RPH3AL: variants seen among roughly 807,000 people sequenced by gnomAD.
The protein encoded by RPH3AL is rabphilin 3A like (without C2 domains).
RPH3AL carries 38 observed loss-of-function variants against 43.1 expected under a neutral mutation model. The ratio of observed to expected loss-of-function variants is 0.88; its 90% CI spans 0.68 to 1.15. RPH3AL has a LOEUF of 1.15. Ranked by LOEUF, RPH3AL falls within the 50% of genes most tolerant of loss-of-function variation. The pLI is 0.00. For missense variants in RPH3AL, 462 were observed against 423.2 expected, an observed-to-expected ratio of 1.09 and a Z score of -0.81; for synonymous variants, 189 against 176.3, an observed-to-expected ratio of 1.07 and a Z score of -0.57.
chr17:280,521 C>T (rs919417308), intron 6 of RPH3AL, among the ~76,000 whole-genome samples: 4 of 152,076 alleles, frequency 2.6e-5, no homozygotes, highest in Non-Finnish European at 4.4e-5. Context: ...CCAGACCCAG[C>T]GGGAGGCAGC....
intron 8 of RPH3AL, among the ~76,000 whole-genome samples, chr17:218,509 C>T (rs920258679): frequency 1.3e-5 from 2 of 152,274 alleles, no homozygotes; most frequent in African/African-American, 2.4e-5. Flanking sequence ...CTGTTTGGGG[C>T]AGTTATTATG....
At chr17:338,899 G>A (rs900858968) in intron 1 of RPH3AL, 3 of 152,448 alleles carry the variant, frequency 2.0e-5, no homozygotes, top group Non-Finnish European at 2.9e-5. Flanking sequence ...CAGGTGTGCT[G>A]AGGGCGGTGC....
intron 6 of RPH3AL, among the ~76,000 whole-genome samples, chr17:262,964 G>A (rs566881825): frequency 6.6e-5 from 10 of 152,292 alleles, no homozygotes; most frequent in South Asian, 2.1e-4. Context: ...GGCCCTGCCC[G>A]ACATGGTGGT....
rs1351171885 is a variant in RPH3AL at position 290,686 on chromosome 17, A to G, written c.352-8832T>C. Among the ~76,000 whole-genome samples, 6 of 152,044 alleles carry G rather than the reference A, an allele frequency of 3.9e-5. No individual in the cohort carries two copies. The highest frequency in any genetic ancestry group is 5.9e-5 in the Non-Finnish European group (4 of 68,010). ...TGCCCAGGCTGGCCTTTGAGTCCTC[A>G]CCGATCCATTTCATGATGAGGAATT... On this transcript the variant is annotated intron_variant, in intron 5 of 9. Coordinates refer to ENST00000331302, the MANE Select transcript of RPH3AL (RefSeq NM_006987.4). This position sits in a 1 kb window ranked among gnomAD's most constrained non-coding sequence, Gnocchi z 4.2.
intron 1 of RPH3AL, among the ~76,000 whole-genome samples, chr17:340,351 C>T (rs1002320260): frequency 2.7e-5 from 4 of 149,940 alleles, no homozygotes; most frequent in Non-Finnish European, 4.4e-5. Flanking sequence ...CAGGCCTCCC[C>T]ACATCCACAC....
chr17:314,147 C>T (rs1266201538), intron 5 of RPH3AL, among the ~76,000 whole-genome samples: 1 of 152,208 alleles, frequency 6.6e-6, no homozygotes, highest in South Asian at 2.1e-4. Flanking sequence ...CACAGCCACA[C>T]CAGCAGCGGC....
rs1319903447 is a variant in RPH3AL, at chr17:246,410, AC to A, written c.613+700del. On this transcript the variant is annotated intron_variant, in intron 7 of 9. Coordinates refer to ENST00000331302, the MANE Select transcript of RPH3AL (RefSeq NM_006987.4). The surrounding 1 kb of genome is among the most constrained non-coding windows in gnomAD (Gnocchi z 4.8). ...CCTGCCCTTGGATCCCAGCTCGGCC[AC>A]ACACCTGCCGAGGAAGTCCCTCCTC... 6.6e-6 allele frequency among the ~76,000 whole-genome samples: 1 copy of A among 152,186 alleles called. No individual in the cohort carries two copies.
At position 245,440 on chromosome 17, in the gene RPH3AL, CGT is replaced by C. The variant is rs1055281246; in HGVS notation, c.613+1669_613+1670del. 3.0e-5 allele frequency among the ~76,000 whole-genome samples: 4 copies of C among 135,470 alleles called. No individual in the cohort carries two copies. Among genetic ancestry groups the C allele is most frequent in the African/African-American group, 1.1e-4 (4 of 37,098 alleles). 88.9% of individuals were successfully genotyped at this position (135,470 alleles called of 152,430 possible). A position where few individuals can be genotyped will look rare whatever the true frequency, so the allele number is the denominator to read the frequency against. ...ATGGTGATGTGTGTGTAGGTGTGAG[CGT>C]GTGTCAATGCGGTTGTGTTTGTGTG... On this transcript the variant is annotated intron_variant, in intron 7 of 9. Transcript: ENST00000331302. The surrounding 1 kb of genome is among the most constrained non-coding windows in gnomAD (Gnocchi z 5.9).
chr17:235,272 C>CGGAGG (rs1567570742), intron 7 of RPH3AL, among the ~76,000 whole-genome samples: 3 of 117,078 alleles, frequency 2.6e-5, no homozygotes, highest in African/African-American at 1.0e-4. Context: ...CTGGGGTCGG[C>CGGAGG]CGAGGCTCTA....
chr17:331,895 A>T, intron 2 of RPH3AL: 1 of 1,286,714 alleles, frequency 7.8e-7, no homozygotes, highest in Non-Finnish European at 1.0e-6. Flanking sequence ...GACAAAAATT[A>T]AACTGATGAG....
rs1341944694 is a variant in RPH3AL, at chr17:213,771, C to T, written c.*81G>A. Reference sequence around the variant, plus strand: ...TGGCCAACAGGGTGTCTGGTGAGGGCACAAGGACCGGTCAGGGAGGAGCCG... The same window carrying T: ...TGGCCAACAGGGTGTCTGGTGAGGGTACAAGGACCGGTCAGGGAGGAGCCG... On this transcript the variant is annotated 3_prime_UTR_variant, in exon 10 of 10. Coordinates refer to ENST00000331302, the MANE Select transcript of RPH3AL (RefSeq NM_006987.4). The T allele has an allele frequency of 9.5e-6, 11 of 1,154,058 alleles. No individual in the cohort carries two copies. The highest frequency in any genetic ancestry group is 1.5e-5 in the African/African-American group (1 of 65,708). The allele number at this position is 1,154,058 out of a possible 1,614,324, so 71.5% of individuals were successfully genotyped here.
chr17:316,146 C>T (rs1439454668), intron 5 of RPH3AL, among the ~76,000 whole-genome samples: 1 of 137,608 alleles, frequency 7.3e-6, no homozygotes, highest in Non-Finnish European at 1.6e-5. Flanking sequence ...TCCCTGTGCT[C>T]CACCTCCATT....
intron 5 of RPH3AL, among the ~76,000 whole-genome samples, chr17:288,561 G>A (rs370923776): frequency 8.7e-4 from 2 of 2,290 alleles, no homozygotes; most frequent in African/African-American, 1.3e-3. Context: ...GTCAGACCTC[G>A]CACCCTCTCT....
At position 213,537 on chromosome 17, in the gene RPH3AL, C is replaced by A; in HGVS notation, c.*315G>T. On this transcript the variant is annotated 3_prime_UTR_variant, in exon 10 of 10. Coordinates refer to ENST00000331302, the MANE Select transcript of RPH3AL (RefSeq NM_006987.4). ...CCCCTCTGACACTGCATGTGGGAAACCCCCCAGCCCAACCCAAGACACGCG... is the reference window on the plus strand; with the variant it reads ...CCCCTCTGACACTGCATGTGGGAAAACCCCCAGCCCAACCCAAGACACGCG... 1 of 464,094 alleles carries A rather than the reference C, an allele frequency of 2.2e-6. No homozygotes were observed. Among genetic ancestry groups the A allele is most frequent in the South Asian group, 2.2e-5 (1 of 44,772 alleles). 28.7% of individuals were successfully genotyped at this position (464,094 alleles called of 1,614,324 possible). A position where few individuals can be genotyped will look rare whatever the true frequency, so the allele number is the denominator to read the frequency against.
chr17:297,249 G>A (rs545642660), intron 5 of RPH3AL, among the ~76,000 whole-genome samples: 16 of 152,336 alleles, frequency 1.1e-4, no homozygotes, highest in South Asian at 1.0e-3. Flanking sequence ...CCCATCTGGC[G>A]GCTGCCTTGT....
chr17:310,390 G>C lies in RPH3AL; in HGVS notation c.351+9030C>G, dbSNP rs563048184. On this transcript the variant is annotated intron_variant, in intron 5 of 9. Transcript: ENST00000331302. Reference sequence around the variant, plus strand: ...CTGCCAGGGCTCCTGCTGGGGGCGCGTGTGTGTGCCCAGGAGCACCTGAGG... The same window carrying C: ...CTGCCAGGGCTCCTGCTGGGGGCGCCTGTGTGTGCCCAGGAGCACCTGAGG... Among the ~76,000 whole-genome samples the C allele has an allele frequency of 1.8e-3, 268 of 152,242 alleles. 1 individual carries two copies. The highest frequency in any genetic ancestry group is 3.0e-3 in the Non-Finnish European group (205 of 68,006).
chr17:221,456 G>T (rs113697246), intron 7 of RPH3AL, among the ~76,000 whole-genome samples: 16 of 72,510 alleles, frequency 2.2e-4, no homozygotes, highest in Non-Finnish European at 3.0e-4. Context: ...CAGCTCTGAG[G>T]CCTCCACTCA....
At position 269,054 on chromosome 17, in the gene RPH3AL, A is replaced by G. The variant is rs191166191; in HGVS notation, c.438+12714T>C. ...CCACCACGCCTGGCTAATTTTTTGT[A>G]TTTTTAGTAGAGACGGGGTTTCACC... On this transcript the variant is annotated intron_variant, in intron 6 of 9. Coordinates refer to ENST00000331302, the MANE Select transcript of RPH3AL (RefSeq NM_006987.4). Among the ~76,000 whole-genome samples the G allele has an allele frequency of 1.4e-3, 210 of 151,864 alleles. 5 individuals carry two copies. The East Asian group carries it at 0.036, about 26-fold the overall frequency.
chr17:330,467 C>T (rs1052708411), intron 2 of RPH3AL, among the ~76,000 whole-genome samples: 50 of 152,366 alleles, frequency 3.3e-4, no homozygotes, highest in African/African-American at 1.2e-3. Flanking sequence ...AGTGCCCCAT[C>T]CCAGCCTTTA....
Sources: gnomAD v4.1 joint callset for allele counts (sites outside exome capture counted in the v4.1 genomes callset) on GRCh38, gnomAD v4.1.1 for gene constraint, Gnocchi (gnomAD v3.1) non-coding constraint, MANE v1.5 for transcripts, NCBI Gene and HGNC (gene_info 2026-07-23, HGNC 2026-07-21) for gene names.